Variants in DPYD observed in about 807,000 individuals in gnomAD.
DPYD encodes the protein dihydropyrimidine dehydrogenase [NADP(+)].
A neutral mutation model predicts 116.2 loss-of-function variants in DPYD; 109 were observed. That is an observed-to-expected ratio of 0.94 (90% CI 0.80 to 1.10). DPYD has a LOEUF of 1.10. Among genes scored for constraint, DPYD ranks in the 50% least tolerant of loss-of-function variants. DPYD has a pLI of 0.00. For synonymous variants in DPYD, 440 were observed against 432.0 expected, an observed-to-expected ratio of 1.02 and a Z score of -0.23; for missense variants, 1,302 against 1,254.5, an observed-to-expected ratio of 1.04 and a Z score of -0.57.
intron 3 of DPYD, among the ~76,000 whole-genome samples, chr1:97,795,694 C>T (rs1172025257): frequency 6.6e-6 from 1 of 151,802 alleles, no homozygotes; most frequent in Non-Finnish European, 1.5e-5. Flanking sequence ...ATACACACTC[C>T]TATATTATTT....
intron 7 of DPYD, among the ~76,000 whole-genome samples, chr1:97,683,942 C>A (rs1445602326): frequency 2.0e-5 from 3 of 152,184 alleles, no homozygotes; most frequent in Middle Eastern, 3.4e-3. Context: ...AAAGATTTTT[C>A]TGAAACTAAT....
intron 20 of DPYD, among the ~76,000 whole-genome samples, chr1:97,185,549 A>G (rs1245718877): frequency 6.6e-6 from 1 of 152,230 alleles, no homozygotes; most frequent in African/African-American, 2.4e-5. Flanking sequence ...AAAAATATTT[A>G]TAACACCAAA....
intron 2 of DPYD, among the ~76,000 whole-genome samples, chr1:97,865,775 A>T (rs1671348013): frequency 6.6e-6 from 1 of 151,948 alleles, no homozygotes; most frequent in African/African-American, 2.4e-5. Context: ...CATGCCCTAA[A>T]TGTCTCTGCC....
intron 11 of DPYD, among the ~76,000 whole-genome samples, chr1:97,554,863 C>T (rs1651578263): frequency 6.6e-6 from 1 of 152,126 alleles, no homozygotes; most frequent in Non-Finnish European, 1.5e-5. Context: ...CCTTCCTGCT[C>T]CTCCAGGTCC....
At chr1:97,441,055 T>A (rs1675766959) in intron 14 of DPYD, among the ~76,000 whole-genome samples, 1 of 152,198 alleles carries the variant, frequency 6.6e-6, no homozygotes, top group Non-Finnish European at 1.5e-5. Flanking sequence ...CACTAGTAAC[T>A]GTTACATGTG....
At chr1:97,342,052 G>A (rs1669612587) in intron 16 of DPYD, among the ~76,000 whole-genome samples, 1 of 152,172 alleles carries the variant, frequency 6.6e-6, no homozygotes, top group Admixed American at 6.6e-5. Flanking sequence ...GGGAAAAGAA[G>A]TATTAAAAAT....
intron 20 of DPYD, among the ~76,000 whole-genome samples, chr1:97,122,358 G>A (rs1269115739): frequency 2.0e-5 from 3 of 152,106 alleles, no homozygotes; most frequent in African/African-American, 7.2e-5. Context: ...CAGTGATGGG[G>A]CTAGGGATAA....
intron 3 of DPYD, among the ~76,000 whole-genome samples, chr1:97,820,001 ATAT>A (rs1320209792): frequency 3.3e-5 from 5 of 152,128 alleles, no homozygotes; most frequent in African/African-American, 1.2e-4. Flanking sequence ...AATAATGGCC[ATAT>A]TATTATCTTT....
intron 2 of DPYD, among the ~76,000 whole-genome samples, chr1:97,867,336 C>T (rs896958138): frequency 6.6e-6 from 1 of 151,734 alleles, no homozygotes; most frequent in Non-Finnish European, 1.5e-5. Flanking sequence ...GTCTTATGTA[C>T]TCAAAAAAGG....
At chr1:97,802,799 G>C (rs1667907587) in intron 3 of DPYD, among the ~76,000 whole-genome samples, 1 of 151,810 alleles carries the variant, frequency 6.6e-6, no homozygotes, top group African/African-American at 2.4e-5. Context: ...TATAGTCCAA[G>C]ATGTTGTCCT....
chr1:97,424,791 C>T (rs4950033), intron 14 of DPYD, among the ~76,000 whole-genome samples: 89,317 of 151,680 alleles, frequency 0.59, 26,532 homozygotes, highest in East Asian at 0.78. Context: ...TGAATGCTGT[C>T]TTATTGAAGG....
At chr1:97,476,715 C>T (rs1265401560) in intron 13 of DPYD, among the ~76,000 whole-genome samples, 3 of 151,958 alleles carry the variant, frequency 2.0e-5, no homozygotes, top group South Asian at 2.1e-4. Context: ...CCATGTTTAG[C>T]ATTATCGCAA....
intron 8 of DPYD, among the ~76,000 whole-genome samples, chr1:97,669,702 G>A (rs12091552): frequency 6.6e-6 from 1 of 152,090 alleles, no homozygotes; most frequent in Non-Finnish European, 1.5e-5. Flanking sequence ...AGATGGCATA[G>A]CTTAACTGGA....
intron 3 of DPYD, among the ~76,000 whole-genome samples, chr1:97,817,714 A>T (rs1571408494): frequency 6.6e-6 from 1 of 152,080 alleles, no homozygotes; most frequent in East Asian, 1.9e-4. Flanking sequence ...TTCCACTTGT[A>T]AAAGCCTGAT....
chr1:97,286,933 C>G (rs987731169), intron 18 of DPYD, among the ~76,000 whole-genome samples: 1 of 152,230 alleles, frequency 6.6e-6, no homozygotes, highest in Non-Finnish European at 1.5e-5. Context: ...CAAAGTCATT[C>G]TCTGCCCAGC....
chr1:97,588,646 T>C (rs1654304507), intron 10 of DPYD, among the ~76,000 whole-genome samples: 1 of 152,166 alleles, frequency 6.6e-6, no homozygotes, highest in Admixed American at 6.5e-5. Flanking sequence ...TGGAGGGAAT[T>C]ATTAACAGAT....
Position 97,723,897 on chromosome 1 carries a change from G to A in DPYD, c.322-2226C>T, listed in dbSNP as rs766839582. 5.3e-5 allele frequency among the ~76,000 whole-genome samples: 8 copies of A among 151,626 alleles called. No individual in the cohort carries two copies. In the East Asian group the frequency reaches 9.7e-4, roughly 18 times the overall value. On this transcript the variant is annotated intron_variant, in intron 4 of 22. Coordinates refer to ENST00000370192, the MANE Select transcript of DPYD (RefSeq NM_000110.4). ...CATTTGAGGCTGCCATGGCTTAATCGGTGAATTGTATAAAACATATAATAA... is the reference window on the plus strand; with the variant it reads ...CATTTGAGGCTGCCATGGCTTAATCAGTGAATTGTATAAAACATATAATAA...
At chr1:97,438,129 T>C (rs1675568725) in intron 14 of DPYD, among the ~76,000 whole-genome samples, 1 of 152,086 alleles carries the variant, frequency 6.6e-6, no homozygotes, top group African/African-American at 2.4e-5. Context: ...ATCTCATTAC[T>C]GTAATTTTAA....
chr1:97,149,529 A>G (rs1259550278), intron 20 of DPYD, among the ~76,000 whole-genome samples: 1 of 152,210 alleles, frequency 6.6e-6, no homozygotes, highest in African/African-American at 2.4e-5. Context: ...CTAGGATTAC[A>G]AGCCTGACTC....
Sources: gnomAD v4.1 joint callset for allele counts (sites outside exome capture counted in the v4.1 genomes callset) on GRCh38, gnomAD v4.1.1 for gene constraint, MANE v1.5 for transcripts, NCBI Gene and HGNC (gene_info 2026-07-23, HGNC 2026-07-21) for gene names.